DPP4: variants seen among roughly 807,000 people sequenced by gnomAD.
DPP4 encodes the protein dipeptidyl peptidase 4.
Under a neutral mutation model 122.4 loss-of-function variants are expected in DPP4, and 93 were observed. The observed-to-expected ratio is 0.76, with a 90% confidence interval of 0.64 to 0.90. The LOEUF (loss-of-function observed/expected upper bound fraction) is 0.90, where lower values mean the gene tolerates loss of function less well. DPP4 is among the 40% of genes least tolerant of loss of function. The probability of loss-of-function intolerance (pLI) is 0.00; values close to 1 mark genes in which losing one functional copy is unlikely to be tolerated. For missense variants in DPP4, 914 were observed against 907.3 expected (o/e 1.01, Z -0.09); for synonymous variants, 321 against 302.9 (o/e 1.06, Z -0.62).
rs780892873 is a variant in DPP4 at position 162,018,821 on chromosome 2, G to A, written c.1328C>T (p.Thr443Ile). The A allele has an allele frequency of 7.4e-6, 12 of 1,614,162 alleles. No homozygotes were observed. The highest frequency in any genetic ancestry group is 1.1e-5 in the South Asian group (1 of 91,070). Residue 443 changes from threonine to isoleucine, a missense_variant, in exon 16 of 26, where the codon ACA becomes ATA. Transcript: ENST00000360534. The stretch of plus-strand genomic sequence containing the variant: ...CGGATTCAGCTCACAACTGAGGCAT[G>A]TCACTTTTGTATAGTCACTAAGTTG... The part of the protein sequence containing the change: ...KIQLSDYTKV[T>I]CLSCELNPER...
intron 2 of DPP4, among the ~76,000 whole-genome samples, chr2:162,050,803 T>C (rs1430691354): frequency 1.3e-5 from 2 of 152,248 alleles, no homozygotes; most frequent in African/African-American, 4.8e-5. Flanking sequence ...AGTTCATAGT[T>C]GGCTGCCAAG....
Position 162,046,948 on chromosome 2 carries a change from T to C in DPP4, c.252A>G (p.Gly84=). The change falls in exon 4 of 26, where the codon GGA becomes GGG. Residue 84 remains glycine (G), a synonymous_variant. Coordinates refer to ENST00000360534, the MANE Select transcript of DPP4 (RefSeq NM_001935.4). The part of the protein sequence containing the change: ...NNILVFNAEY[G]NSSVFLENST... ...TGTTCTCCAAGAAAACTGAGCTGTTTCCATATTCAGCATTGAATACCAAGA... is the reference window on the plus strand; with the variant it reads ...TGTTCTCCAAGAAAACTGAGCTGTTCCCATATTCAGCATTGAATACCAAGA... 1 of 1,597,030 alleles carries C rather than the reference T, an allele frequency of 6.3e-7. No homozygotes were observed. The highest frequency in any genetic ancestry group is 1.1e-5 in the South Asian group (1 of 90,644).
intron 2 of DPP4, among the ~76,000 whole-genome samples, chr2:162,056,325 A>T (rs1351148671): frequency 1.3e-5 from 2 of 152,184 alleles, no homozygotes; most frequent in African/African-American, 4.8e-5. Flanking sequence ...AGTGCCTGGT[A>T]TACAGTAGAC....
In DPP4 at chr2:162,008,509, G is replaced by A. The variant is rs1259500081; in HGVS notation, c.1987+53C>T. 6.9e-6 allele frequency: 10 copies of A among 1,439,246 alleles called. No individual in the cohort carries two copies. The East Asian group carries it at 1.8e-4, about 26-fold the overall frequency. 89.2% of individuals were successfully genotyped at this position (1,439,246 alleles called of 1,614,324 possible). On this transcript the variant is annotated intron_variant, in intron 22 of 25. Coordinates refer to ENST00000360534, the MANE Select transcript of DPP4 (RefSeq NM_001935.4). The stretch of plus-strand genomic sequence containing the variant: ...TCAGAAAGGAATGGCTTTGTTACTG[G>A]CATTTTGAGGTCAACACTCCGTATC...
Position 162,020,258 on chromosome 2 carries a change from G to T in DPP4, c.1215C>A (p.Ile405=). The change falls in exon 14 of 26, where the codon ATC becomes ATA. Residue 405 remains isoleucine (I), a synonymous_variant. Transcript: ENST00000360534. The part of the protein sequence containing the change: ...TFITKGTWEV[I]GIEALTSDYL... Reference sequence around the variant, plus strand: ...AATCACTGGTTAGAGCTTCTATCCCGATGACTTCCCAGGTGCCTTTTGTAA... The same window carrying T: ...AATCACTGGTTAGAGCTTCTATCCCTATGACTTCCCAGGTGCCTTTTGTAA... 1.2e-6 allele frequency: 2 copies of T among 1,606,712 alleles called. No homozygotes were observed. Among genetic ancestry groups the T allele is most frequent in the South Asian group, 2.2e-5 (2 of 90,674 alleles).
chr2:162,046,687 C>G, intron 4 of DPP4: 1 of 596,286 alleles, frequency 1.7e-6, no homozygotes, highest in Non-Finnish European at 3.2e-6. Context: ...AGATGGAGCC[C>G]CAAGGAGCAC....
intron 13 of DPP4, 96 bp from the exon 14 acceptor site, chr2:162,020,392 C>A: frequency 8.7e-7 from 1 of 1,155,312 alleles, no homozygotes; most frequent in South Asian, 1.5e-5. Flanking sequence ...ATCAGGAATT[C>A]AAATAACCTT....
intron 2 of DPP4, among the ~76,000 whole-genome samples, chr2:162,057,638 C>T (rs1684621355): frequency 6.6e-6 from 1 of 152,184 alleles, no homozygotes; most frequent in Non-Finnish European, 1.5e-5. Context: ...GATTATAAAC[C>T]TTAGAGCTTT....
chr2:162,010,079 GT>G (rs1682630882), intron 20 of DPP4, among the ~76,000 whole-genome samples: 1 of 152,066 alleles, frequency 6.6e-6, no homozygotes, highest in African/African-American at 2.4e-5. Context: ...CAGTCTTTGT[GT>G]TTTCATGTAA....
At chr2:162,050,953 A>C (rs1486628015) in intron 2 of DPP4, among the ~76,000 whole-genome samples, 1 of 152,220 alleles carries the variant, frequency 6.6e-6, no homozygotes, top group Non-Finnish European at 1.5e-5. Flanking sequence ...TCGGCCTGGG[A>C]CATGTTCATT....
intron 2 of DPP4, among the ~76,000 whole-genome samples, chr2:162,061,612 C>T (rs1030703720): frequency 6.6e-6 from 1 of 152,106 alleles, no homozygotes; most frequent in African/African-American, 2.4e-5. Context: ...TGTAGGTATA[C>T]ATGATTTAGT....
chr2:162,016,397 T>C (rs1164032266), intron 18 of DPP4, among the ~76,000 whole-genome samples: 1 of 152,210 alleles, frequency 6.6e-6, no homozygotes, highest in Admixed American at 6.5e-5. Context: ...AATTGTTTTA[T>C]ACAACTATCT....
intron 2 of DPP4, among the ~76,000 whole-genome samples, chr2:162,058,929 C>T (rs1033944840): frequency 3.9e-5 from 6 of 152,174 alleles, no homozygotes; most frequent in African/African-American, 1.4e-4. Flanking sequence ...CAAGACTGGA[C>T]TTGAAAGACA....
chr2:162,000,065 G>C (rs1701107048), intron 23 of DPP4, among the ~76,000 whole-genome samples: 1 of 152,092 alleles, frequency 6.6e-6, no homozygotes, highest in Admixed American at 6.5e-5. Context: ...ACTGGCACTT[G>C]ACATCACAAC....
In DPP4 at chr2:162,011,979, C is replaced by A; in HGVS notation, c.1646G>T (p.Gly549Val). 6.2e-7 allele frequency: 1 copy of A among 1,611,154 alleles called. No individual in the cohort carries two copies. The highest frequency in any genetic ancestry group is 8.5e-7 in the Non-Finnish European group (1 of 1,178,428). ...AGTGTCTGCTTTTTGACTACATGGGCCTGCATACCTATGAAAAATACCAAA... is the reference window on the plus strand; with the variant it reads ...AGTGTCTGCTTTTTGACTACATGGGACTGCATACCTATGAAAAATACCAAA... ...KYPLLLDVYA[G>V]PCSQKADTVF... The change falls in exon 20 of 26, where the codon GGC becomes GTC. Residue 549 changes from glycine (G) to valine (V), a missense_variant. Coordinates refer to ENST00000360534, the MANE Select transcript of DPP4 (RefSeq NM_001935.4).
intron 2 of DPP4, among the ~76,000 whole-genome samples, chr2:162,067,402 C>G (rs1684984022): frequency 6.6e-6 from 1 of 152,124 alleles, no homozygotes; most frequent in Non-Finnish European, 1.5e-5. Context: ...ACTCCCTCTA[C>G]CTCAGTTATA....
At chr2:162,008,051 C>T (rs559983762) in intron 22 of DPP4, among the ~76,000 whole-genome samples, 16 of 152,088 alleles carry the variant, frequency 1.1e-4, no homozygotes, top group Non-Finnish European at 5.9e-5. Context: ...TGTATGATGC[C>T]TTATAAAATA....
intron 2 of DPP4, among the ~76,000 whole-genome samples, chr2:162,064,735 T>G (rs1006492022): frequency 4.6e-5 from 7 of 152,330 alleles, no homozygotes; most frequent in East Asian, 1.9e-4. Context: ...ATTCAATTAT[T>G]TTCTCCTCTT....
At chr2:162,032,779 T>C (rs1683601828) in intron 10 of DPP4, among the ~76,000 whole-genome samples, 1 of 151,256 alleles carries the variant, frequency 6.6e-6, no homozygotes, top group Non-Finnish European at 1.5e-5. Flanking sequence ...CAGAGAGCCG[T>C]AAATTGTACC....
Sources: gnomAD v4.1 joint callset for allele counts (sites outside exome capture counted in the v4.1 genomes callset) on GRCh38, gnomAD v4.1.1 for gene constraint, MANE v1.5 for transcripts, NCBI Gene and HGNC (gene_info 2026-07-23, HGNC 2026-07-21) for gene names.